Variants in HDAC4 observed in about 807,000 individuals in gnomAD.
HDAC4 encodes the protein histone deacetylase 4, also known as histone deacetylase A.
HDAC4 carries 16 observed loss-of-function variants against 135.1 expected under a neutral mutation model. The observed-to-expected ratio is 0.12, with a 90% confidence interval of 0.08 to 0.18. The LOEUF (loss-of-function observed/expected upper bound fraction) is 0.18. Among genes scored for constraint, HDAC4 ranks in the 10% least tolerant of loss-of-function variants. HDAC4 has a pLI of 1.00. For synonymous variants in HDAC4, 685 were observed against 653.4 expected (o/e 1.05, Z -0.74); for missense variants, 1,143 against 1,511.8 (o/e 0.76, Z 4.05).
At chr2:239,350,492 A>G (rs1693057066) in intron 2 of HDAC4, among the ~76,000 whole-genome samples, 2 of 152,072 alleles carry the variant, frequency 1.3e-5, no homozygotes, top group Admixed American at 6.6e-5. Flanking sequence ...ATATAAATAA[A>G]ATATATATAA....
chr2:239,386,282 T>C (rs371259578), intron 1 of HDAC4, among the ~76,000 whole-genome samples: 3 of 151,912 alleles, frequency 2.0e-5, no homozygotes, highest in African/African-American at 7.2e-5. Flanking sequence ...GAGACTCAAA[T>C]GCTCAAACGG....
intron 3 of HDAC4, among the ~76,000 whole-genome samples, chr2:239,203,563 C>A (rs1372949731): frequency 6.6e-6 from 1 of 152,164 alleles, no homozygotes; most frequent in Non-Finnish European, 1.5e-5. Context: ...CTGAAACAGA[C>A]TTGGGTTCTA....
At chr2:239,260,379 G>C (rs531863108) in intron 2 of HDAC4, among the ~76,000 whole-genome samples, 133 of 152,338 alleles carry the variant, frequency 8.7e-4, no homozygotes, top group Non-Finnish European at 3.4e-4. Flanking sequence ...AAATGGGAAG[G>C]ACAACGCTTG....
intron 2 of HDAC4, among the ~76,000 whole-genome samples, chr2:239,321,776 A>G (rs536616124): frequency 6.6e-6 from 1 of 152,214 alleles, no homozygotes; most frequent in East Asian, 1.9e-4. Context: ...ACAGAACATC[A>G]CAGCTCCCGC....
chr2:239,268,685 C>T (rs1218261599), intron 2 of HDAC4, among the ~76,000 whole-genome samples: 1 of 152,194 alleles, frequency 6.6e-6, no homozygotes, highest in Non-Finnish European at 1.5e-5. Context: ...GACACAGCCC[C>T]TCAGGAGGGC....
At chr2:239,149,401 A>T (rs981362511) in intron 7 of HDAC4, among the ~76,000 whole-genome samples, 15 of 127,400 alleles carry the variant, frequency 1.2e-4, no homozygotes, top group African/African-American at 4.0e-4. Context: ...AATAAATAAA[A>T]AGATAATTCT....
rs1316418366 is a variant in HDAC4, at chr2:239,111,533, G to A, written c.1971C>T (p.Phe657=). The change falls in exon 14 of 27, where the codon TTC becomes TTT. Residue 657 remains phenylalanine, a synonymous_variant. Coordinates refer to ENST00000543185, the MANE Select transcript of HDAC4 (RefSeq NM_001378414.1). The stretch of plus-strand genomic sequence containing the variant: ...ACAAAGGCCACGTGTTACCTGTCGT[G>A]AACCTCGGCTTGGTGGGGGGCTCCT... ...SVQEPPTKPR[F]TTGLVYDTLM... is the part of the protein sequence containing the mutation. 2 of 1,612,098 alleles carry A rather than the reference G, an allele frequency of 1.2e-6. No individual in the cohort carries two copies. The highest frequency in any genetic ancestry group is 1.7e-6 in the Non-Finnish European group (2 of 1,179,700).
intron 17 of HDAC4, among the ~76,000 whole-genome samples, chr2:239,090,822 C>T (rs545037229): frequency 2.0e-5 from 3 of 152,308 alleles, no homozygotes; most frequent in Non-Finnish European, 4.4e-5. Flanking sequence ...TGGCCCCAAG[C>T]ATTTCGGATA....
chr2:239,347,426 G>A (rs575080511), intron 2 of HDAC4, among the ~76,000 whole-genome samples: 1 of 152,310 alleles, frequency 6.6e-6, no homozygotes, highest in Admixed American at 6.5e-5. Context: ...TATGTGGATG[G>A]GGGTAGCTCA....
At chr2:239,132,164 G>A (rs1349211789) in intron 11 of HDAC4, among the ~76,000 whole-genome samples, 1 of 152,166 alleles carries the variant, frequency 6.6e-6, no homozygotes, top group Non-Finnish European at 1.5e-5. Flanking sequence ...ACACCTGCAG[G>A]GGCACATGAG....
chr2:239,092,246 G>GAAA (rs11366042), intron 17 of HDAC4, among the ~76,000 whole-genome samples: 2 of 129,288 alleles, frequency 1.5e-5, no homozygotes, highest in African/African-American at 2.8e-5. Flanking sequence ...CTCCAAAGAG[G>GAAA]AAAAAAAAAA....
chr2:239,159,781 C>G (rs2042674070), intron 6 of HDAC4, among the ~76,000 whole-genome samples: 1 of 152,248 alleles, frequency 6.6e-6, no homozygotes, highest in African/African-American at 2.4e-5. Flanking sequence ...CTCTACCTCA[C>G]CTGACCATAA....
At chr2:239,150,501 T>C (rs1050298961) in intron 7 of HDAC4, among the ~76,000 whole-genome samples, 1 of 151,972 alleles carries the variant, frequency 6.6e-6, no homozygotes, top group Non-Finnish European at 1.5e-5. Context: ...CACACAGATA[T>C]ACACACAGGT....
intron 3 of HDAC4, chr2:239,191,182 T>C (rs1262451982): frequency 5.7e-6 from 2 of 350,260 alleles, no homozygotes; most frequent in African/African-American, 4.3e-5. Context: ...CCTTGCCCTC[T>C]AGGAGGGTCT....
At chr2:239,321,556 G>A (rs1052910423) in intron 2 of HDAC4, among the ~76,000 whole-genome samples, 2 of 151,232 alleles carry the variant, frequency 1.3e-5, no homozygotes, top group Non-Finnish European at 2.9e-5. Context: ...GTAAATGTTG[G>A]AAAAATATTA....
chr2:239,139,720 G>A lies in HDAC4; in HGVS notation c.942C>T (p.Asn314=), dbSNP rs759109915. ...NNSSGSVSAE[N]GIAPAVPSIP... ...TGCTGGGGACGGCGGGCGCGATACC[G>A]TTCTCCGCGCTGACGCTCCCGGAGC... Residue 314 remains asparagine (N), a synonymous_variant, in exon 9 of 27, where the codon AAC becomes AAT. Coordinates refer to ENST00000543185, the MANE Select transcript of HDAC4 (RefSeq NM_001378414.1). This position sits in a 1 kb window ranked among gnomAD's most constrained non-coding sequence, Gnocchi z 5.3. 9.5e-5 allele frequency: 154 copies of A among 1,613,978 alleles called. No homozygotes were observed. In the Admixed American group the frequency reaches 2.0e-3, roughly 21 times the overall value.
chr2:239,142,123 G>C (rs1244553943), intron 8 of HDAC4, among the ~76,000 whole-genome samples: 1 of 152,166 alleles, frequency 6.6e-6, no homozygotes, highest in African/African-American at 2.4e-5. Context: ...GGAATGTGCA[G>C]AGTGAGCAGG....
chr2:239,237,887 C>T (rs576816639), intron 2 of HDAC4, among the ~76,000 whole-genome samples: 67 of 152,318 alleles, frequency 4.4e-4, no homozygotes, highest in African/African-American at 1.6e-3. Flanking sequence ...TCCCAAGTCT[C>T]GGCAACTCTT....
intron 2 of HDAC4, among the ~76,000 whole-genome samples, chr2:239,266,898 T>C (rs559097743): frequency 6.6e-6 from 1 of 152,086 alleles, no homozygotes; most frequent in South Asian, 2.1e-4. Context: ...GGACACCAGG[T>C]CATTAGTTTC....
Sources: gnomAD v4.1 joint callset for allele counts (sites outside exome capture counted in the v4.1 genomes callset) on GRCh38, gnomAD v4.1.1 for gene constraint, Gnocchi (gnomAD v3.1) non-coding constraint, MANE v1.5 for transcripts, NCBI Gene and HGNC (gene_info 2026-07-23, HGNC 2026-07-21) for gene names.